TAX1BP1: variants seen among roughly 807,000 people sequenced by gnomAD.
TAX1BP1 encodes the protein tax1-binding protein 1.
A neutral mutation model predicts 97.7 loss-of-function variants in TAX1BP1; 62 were observed. The ratio of observed to expected loss-of-function variants is 0.63; its 90% CI spans 0.52 to 0.78. The LOEUF is 0.78. TAX1BP1 is among the 30% of genes least tolerant of loss of function. TAX1BP1 has a pLI of 0.00. For missense variants in TAX1BP1, 867 were observed against 916.1 expected, an observed-to-expected ratio of 0.95 and a Z score of 0.69; for synonymous variants, 340 against 304.2, an observed-to-expected ratio of 1.12 and a Z score of -1.23.
chr7:27,754,273 T>G (rs1788127462), intron 2 of TAX1BP1, among the ~76,000 whole-genome samples: 3 of 151,812 alleles, frequency 2.0e-5, no homozygotes, highest in African/African-American at 7.2e-5. Context: ...CAAATTTTTT[T>G]CCTCCTTCTT....
In TAX1BP1 at chr7:27,787,504, C is replaced by T. The variant is rs572441406; in HGVS notation, c.939C>T (p.Ser313=). ...TLKNLDGNKE[S]VITHFKEEIG... ...AAAATTTAGATGGGAACAAAGAAAG[C>T]GTGATTACTCATTTCAAAGAAGAGA... Residue 313 remains serine (S), a synonymous_variant, in exon 8 of 17, where the codon AGC becomes AGT. Transcript: ENST00000396319. 1.4e-5 allele frequency: 22 copies of T among 1,613,422 alleles called. No homozygotes were observed. Among genetic ancestry groups the T allele is most frequent in the African/African-American group, 9.3e-5 (7 of 74,878 alleles).
At chr7:27,764,050 G>C (rs1243006902) in intron 3 of TAX1BP1, among the ~76,000 whole-genome samples, 1 of 152,204 alleles carries the variant, frequency 6.6e-6, no homozygotes, top group African/African-American at 2.4e-5. Flanking sequence ...ACTTGCAAAA[G>C]TAGTACACAG....
At chr7:27,797,037 G>T (rs570383158) in intron 12 of TAX1BP1, among the ~76,000 whole-genome samples, 2 of 149,080 alleles carry the variant, frequency 1.3e-5, no homozygotes, top group Admixed American at 6.7e-5. Flanking sequence ...TCACTCTCTC[G>T]CTCAGGCTGG....
intron 2 of TAX1BP1, among the ~76,000 whole-genome samples, chr7:27,748,928 G>C (rs1036556066): frequency 6.6e-6 from 1 of 152,006 alleles, no homozygotes; most frequent in African/African-American, 2.4e-5. Context: ...AATTTTTTCA[G>C]AATCTTCTTT....
At chr7:27,816,827 G>A (rs553069760) in intron 14 of TAX1BP1, 63 bp from the exon 15 acceptor site, 170 of 1,576,698 alleles carry the variant, frequency 1.1e-4, no homozygotes, top group Non-Finnish European at 1.4e-4. Context: ...CATCATATCT[G>A]TATATACAGA....
At position 27,828,857 on chromosome 7, in the gene TAX1BP1, T is replaced by G; in HGVS notation, c.*28T>G. Reference sequence around the variant, plus strand: ...ACTTTTTATTATGAGTTAATATAGTTTAGCAGTAAAAAAAAAAAAAAAAAC... The same window carrying G: ...ACTTTTTATTATGAGTTAATATAGTGTAGCAGTAAAAAAAAAAAAAAAAAC... On this transcript the variant is annotated 3_prime_UTR_variant, in exon 17 of 17. Coordinates refer to ENST00000396319, the MANE Select transcript of TAX1BP1 (RefSeq NM_006024.7). 6.9e-7 allele frequency: 1 copy of G among 1,456,688 alleles called. No individual in the cohort carries two copies. Among genetic ancestry groups the G allele is most frequent in the South Asian group, 1.3e-5 (1 of 79,168 alleles). The allele number at this position is 1,456,688 out of a possible 1,614,324, so 90.2% of individuals were successfully genotyped here.
At chr7:27,747,413 G>A (rs1288282655) in intron 1 of TAX1BP1, among the ~76,000 whole-genome samples, 2 of 152,044 alleles carry the variant, frequency 1.3e-5, no homozygotes, top group Non-Finnish European at 2.9e-5. Flanking sequence ...ATCTCTAAGA[G>A]ATTTTCAACA....
intron 10 of TAX1BP1, among the ~76,000 whole-genome samples, chr7:27,794,050 A>G (rs1789821911): frequency 6.6e-6 from 1 of 152,210 alleles, no homozygotes; most frequent in Non-Finnish European, 1.5e-5. Context: ...ATAACTTTGT[A>G]GTAGATTTCT....
At chr7:27,788,107 A>G (rs754530753) in intron 8 of TAX1BP1, among the ~76,000 whole-genome samples, 3 of 152,122 alleles carry the variant, frequency 2.0e-5, no homozygotes, top group Non-Finnish European at 4.4e-5. Flanking sequence ...TACACTTTTT[A>G]TGACATTGAT....
intron 13 of TAX1BP1, among the ~76,000 whole-genome samples, chr7:27,811,072 T>G (rs1281098937): frequency 6.6e-6 from 1 of 152,204 alleles, no homozygotes; most frequent in Non-Finnish European, 1.5e-5. Context: ...ACTGAATTCT[T>G]TGCAGGCAAA....
Position 27,827,728 on chromosome 7 carries a change from T to A in TAX1BP1, c.2086-10T>A, listed in dbSNP as rs1028928079. 2.5e-6 allele frequency: 4 copies of A among 1,606,756 alleles called. No homozygotes were observed. In the African/African-American group the frequency reaches 4.0e-5, roughly 16 times the overall value. On this transcript the variant is annotated splice_polypyrimidine_tract_variant and intron_variant, in intron 15 of 16. Transcript: ENST00000396319. ...TTTTCTTAAAAGTTCCAAAATTATTTTTCCCCTAGGAAGATGAGAATGTGC... is the reference window on the plus strand; with the variant it reads ...TTTTCTTAAAAGTTCCAAAATTATTATTCCCCTAGGAAGATGAGAATGTGC...
At chr7:27,757,780 T>C (rs1316755145) in intron 2 of TAX1BP1, among the ~76,000 whole-genome samples, 5 of 152,058 alleles carry the variant, frequency 3.3e-5, no homozygotes, top group African/African-American at 1.2e-4. Flanking sequence ...TAGATTATCC[T>C]TGAGAAATTG....
In TAX1BP1 at chr7:27,762,974, C is replaced by G. The variant is rs568195902; in HGVS notation, c.266-2860C>G. On this transcript the variant is annotated intron_variant, in intron 3 of 16. Coordinates refer to ENST00000396319, the MANE Select transcript of TAX1BP1 (RefSeq NM_006024.7). ...TCTCAAAAATTCATGGGCACTAAGC[C>G]TAAATGCAATATGTTTTACAAGTTT... Among the ~76,000 whole-genome samples the G allele has an allele frequency of 5.3e-5, 8 of 152,150 alleles. No homozygotes were observed. The East Asian group carries it at 1.5e-3, about 29-fold the overall frequency.
intron 5 of TAX1BP1, among the ~76,000 whole-genome samples, chr7:27,773,369 A>G (rs1007675966): frequency 6.6e-6 from 1 of 152,104 alleles, no homozygotes. Flanking sequence ...AAAATCATGC[A>G]ACCATTACCA....
intron 13 of TAX1BP1, among the ~76,000 whole-genome samples, chr7:27,804,779 A>T (rs1790270795): frequency 6.6e-6 from 1 of 152,202 alleles, no homozygotes; most frequent in Non-Finnish European, 1.5e-5. Flanking sequence ...TTTATCAGGG[A>T]ATGCTCAACC....
intron 3 of TAX1BP1, among the ~76,000 whole-genome samples, chr7:27,758,754 G>T (rs1788318677): frequency 6.6e-6 from 1 of 152,040 alleles, no homozygotes; most frequent in Admixed American, 6.6e-5. Flanking sequence ...CTTAGAGTAG[G>T]GATAGACACA....
At chr7:27,771,132 C>CTTTTTTTTTTTTTTTTTTTTTTT (rs1583689044) in intron 5 of TAX1BP1, among the ~76,000 whole-genome samples, 1 of 34,394 alleles carries the variant, frequency 2.9e-5, no homozygotes. Flanking sequence ...TTTTTTTTTA[C>CTTTTTTTTTTTTTTTTTTTTTTT]TCATTTGTTG....
At chr7:27,761,065 G>GT (rs1057159567) in intron 3 of TAX1BP1, among the ~76,000 whole-genome samples, 3 of 152,250 alleles carry the variant, frequency 2.0e-5, no homozygotes, top group South Asian at 2.1e-4. Flanking sequence ...AAAATGTCCT[G>GT]TTTTTTTATC....
Position 27,748,683 on chromosome 7 carries a change from C to T in TAX1BP1, c.159C>T (p.Phe53=), listed in dbSNP as rs1562695886. 6.5e-7 allele frequency: 1 copy of T among 1,531,946 alleles called. No individual in the cohort carries two copies. The highest frequency in any genetic ancestry group is 2.3e-5 in the East Asian group (1 of 42,560). The allele number at this position is 1,531,946 out of a possible 1,614,324, so 94.9% of individuals were successfully genotyped here. ...ATCCAAAAGATTGGGTTGGTATATT[C>T]AAGGTAAGAAAGCTTTCTGAATATG... The part of the protein sequence containing the change: ...HPHPKDWVGI[F]KVGWSTARDY... Residue 53 remains phenylalanine, a synonymous_variant, in exon 2 of 17, where the codon TTC becomes TTT. Coordinates refer to ENST00000396319, the MANE Select transcript of TAX1BP1 (RefSeq NM_006024.7).
Sources: allele counts gnomAD v4.1 joint callset (sites outside exome capture counted in the v4.1 genomes callset), GRCh38; gene constraint gnomAD v4.1.1; transcripts MANE v1.5; gene names NCBI Gene and HGNC (gene_info 2026-07-23, HGNC 2026-07-21).